Variants in GABBR2 observed in about 807,000 individuals in gnomAD.
GABBR2 encodes G-protein coupled receptor 51.
In GABBR2, 23 loss-of-function variants were observed where a neutral mutation model predicts 105.6. That is an observed-to-expected ratio of 0.22 (90% CI 0.16 to 0.31). The LOEUF is 0.31. Among genes scored for constraint, GABBR2 ranks in the 10% least tolerant of loss-of-function variants. The pLI, the probability that GABBR2 is intolerant of heterozygous loss-of-function variation, is 1.00. For missense variants in GABBR2, 734 were observed against 1,245.5 expected, an observed-to-expected ratio of 0.59 and a Z score of 6.18; for synonymous variants, 478 against 499.7, an observed-to-expected ratio of 0.96 and a Z score of 0.58.
Position 98,565,985 on chromosome 9 carries a change from C to T in GABBR2, c.459+11950G>A, listed in dbSNP as rs143710356. On this transcript the variant is annotated intron_variant, in intron 2 of 18. Transcript: ENST00000259455. Reference sequence around the variant, plus strand: ...GTCTGTCCGCAGAGCACCTGCCCAGCGGCTCAGCAGGCATCTTCCCAGTCT... The same window carrying T: ...GTCTGTCCGCAGAGCACCTGCCCAGTGGCTCAGCAGGCATCTTCCCAGTCT... 6.9e-3 allele frequency among the ~76,000 whole-genome samples: 1,054 copies of T among 152,334 alleles called. 3 individuals carry two copies. Among genetic ancestry groups the T allele is most frequent in the Middle Eastern group, 0.01 (3 of 294 alleles).
chr9:98,577,722 T>TACAC, intron 2 of GABBR2, among the ~76,000 whole-genome samples: 1 of 152,188 alleles, frequency 6.6e-6, no homozygotes, highest in Non-Finnish European at 1.5e-5. Context: ...TTCAAATACA[T>TACAC]GGTGATAGCA....
rs528171257 is a variant in GABBR2 at position 98,419,298 on chromosome 9, C to T, written c.1237-13157G>A. 3.9e-4 allele frequency among the ~76,000 whole-genome samples: 60 copies of T among 152,342 alleles called. No homozygotes were observed. The South Asian group carries it at 0.012, about 29-fold the overall frequency. On this transcript the variant is annotated intron_variant, in intron 7 of 18. Coordinates refer to ENST00000259455, the MANE Select transcript of GABBR2 (RefSeq NM_005458.8). ...GGGTTCTACTCTGGGATCCCCCAGT[C>T]ACACTGGTTGCAGTGTCTCCTAGGG...
At chr9:98,499,193 G>T (rs986236349) in intron 3 of GABBR2, among the ~76,000 whole-genome samples, 3 of 152,270 alleles carry the variant, frequency 2.0e-5, no homozygotes, top group African/African-American at 7.2e-5. Flanking sequence ...CATCAAGGCT[G>T]CAGTAGCTTT....
At chr9:98,598,151 C>T (rs1192552196) in intron 1 of GABBR2, among the ~76,000 whole-genome samples, 1 of 152,146 alleles carries the variant, frequency 6.6e-6, no homozygotes, top group Non-Finnish European at 1.5e-5. Context: ...AGGAGCTGTG[C>T]CCTAAGCTAG....
intron 7 of GABBR2, among the ~76,000 whole-genome samples, chr9:98,446,047 A>G (rs1466204102): frequency 5.3e-5 from 8 of 152,234 alleles, no homozygotes. Flanking sequence ...AGAGAACTCA[A>G]GTGTTCTTGC....
intron 8 of GABBR2, among the ~76,000 whole-genome samples, chr9:98,396,104 C>T (rs1832285749): frequency 6.6e-6 from 1 of 152,206 alleles, no homozygotes; most frequent in African/African-American, 2.4e-5. Flanking sequence ...TCTTCCCTGA[C>T]ACGGGGGTGC....
intron 1 of GABBR2, among the ~76,000 whole-genome samples, chr9:98,584,024 G>A (rs1172127759): frequency 1.3e-5 from 2 of 152,182 alleles, no homozygotes; most frequent in East Asian, 1.9e-4. Flanking sequence ...TTTACAGCAA[G>A]TTGTCTTTCT....
At chr9:98,291,591 A>G (rs1326218309) in intron 18 of GABBR2, among the ~76,000 whole-genome samples, 2 of 152,180 alleles carry the variant, frequency 1.3e-5, no homozygotes, top group African/African-American at 4.8e-5. Context: ...GAAGCCAAGG[A>G]AGGGAAAAAA....
intron 6 of GABBR2, among the ~76,000 whole-genome samples, chr9:98,457,121 C>CG (rs1183337830): frequency 6.6e-6 from 1 of 152,304 alleles, no homozygotes; most frequent in African/African-American, 2.4e-5. Flanking sequence ...TAATTAATTG[C>CG]GTTAAGCATC....
rs184649089 is a variant in GABBR2, at chr9:98,328,982, T to C, written c.1894-17777A>G. Among the ~76,000 whole-genome samples, 4 of 152,280 alleles carry C rather than the reference T, an allele frequency of 2.6e-5. No individual in the cohort carries two copies. In the East Asian group the frequency reaches 7.7e-4, roughly 29 times the overall value. On this transcript the variant is annotated intron_variant, in intron 13 of 18. Coordinates refer to ENST00000259455, the MANE Select transcript of GABBR2 (RefSeq NM_005458.8). ...CCACCATGTAACCTTATCATTACCATCTGTAAAATGGGGCTAGACATAGCA... is the reference window on the plus strand; with the variant it reads ...CCACCATGTAACCTTATCATTACCACCTGTAAAATGGGGCTAGACATAGCA...
At position 98,504,585 on chromosome 9, in the gene GABBR2, T is replaced by C. The variant is rs1258768366; in HGVS notation, c.631-8071A>G. On this transcript the variant is annotated intron_variant, in intron 3 of 18. Transcript: ENST00000259455. The stretch of plus-strand genomic sequence containing the variant: ...GCAAAGCGAATTCTCAGCTCTCCTA[T>C]GGAAGCTGAGGTAACCTACTTTGTC... Among the ~76,000 whole-genome samples, 3 of 152,244 alleles carry C rather than the reference T, an allele frequency of 2.0e-5. No individual in the cohort carries two copies. The East Asian group carries it at 5.8e-4, about 29-fold the overall frequency.
chr9:98,498,036 A>C (rs1202292435), intron 3 of GABBR2, among the ~76,000 whole-genome samples: 5 of 152,236 alleles, frequency 3.3e-5, no homozygotes, highest in Non-Finnish European at 7.3e-5. Flanking sequence ...AGACAGTGAA[A>C]TACTATTCAG....
At chr9:98,685,411 C>T (rs1033853403) in intron 1 of GABBR2, among the ~76,000 whole-genome samples, 3 of 152,208 alleles carry the variant, frequency 2.0e-5, no homozygotes, top group East Asian at 3.9e-4. Context: ...GTCAATAGTC[C>T]TTAATAAACC....
At chr9:98,293,720 C>A in intron 18 of GABBR2, 65 bp downstream of exon 18, 1 of 887,258 alleles carries the variant, frequency 1.1e-6, no homozygotes, top group Non-Finnish European at 1.8e-6. Context: ...GTGCAAATTG[C>A]AAACTCTTGT....
chr9:98,531,183 C>T (rs984986060), intron 3 of GABBR2, among the ~76,000 whole-genome samples: 2 of 152,192 alleles, frequency 1.3e-5, no homozygotes, highest in African/African-American at 4.8e-5. Context: ...GAGTACAACA[C>T]TCACCCAGCC....
intron 1 of GABBR2, among the ~76,000 whole-genome samples, chr9:98,696,638 G>T (rs1317718636): frequency 9.9e-5 from 15 of 152,160 alleles, no homozygotes; most frequent in Admixed American, 9.2e-4. Flanking sequence ...CCAGAGCCTG[G>T]CACCAAGTAG....
At chr9:98,584,646 T>C (rs1588239286) in intron 1 of GABBR2, among the ~76,000 whole-genome samples, 1 of 152,232 alleles carries the variant, frequency 6.6e-6, no homozygotes, top group Admixed American at 6.5e-5. Context: ...ATTAAAATAC[T>C]TTTTTGATTT....
chr9:98,342,208 C>T (rs1831225660), intron 13 of GABBR2, among the ~76,000 whole-genome samples: 1 of 151,766 alleles, frequency 6.6e-6, no homozygotes, highest in Non-Finnish European at 1.5e-5. Flanking sequence ...AGCTGCCTCT[C>T]AAAGGTCAAG....
chr9:98,604,680 T>C (rs1829386418), intron 1 of GABBR2, among the ~76,000 whole-genome samples: 2 of 152,198 alleles, frequency 1.3e-5, no homozygotes, highest in African/African-American at 2.4e-5. Context: ...ATAAGAATCA[T>C]AATGCTGGTG....
Sources: gnomAD v4.1 joint callset for allele counts (sites outside exome capture counted in the v4.1 genomes callset) on GRCh38, gnomAD v4.1.1 for gene constraint, MANE v1.5 for transcripts, NCBI Gene and HGNC (gene_info 2026-07-23, HGNC 2026-07-21) for gene names.